Variants in KHDRBS2 observed in about 807,000 individuals in gnomAD.
The protein encoded by KHDRBS2 is KH RNA binding domain containing, signal transduction associated 2.
KHDRBS2 carries 26 observed loss-of-function variants against 44.3 expected under a neutral mutation model. The ratio of observed to expected loss-of-function variants is 0.59; its 90% CI spans 0.43 to 0.81. KHDRBS2 has a LOEUF of 0.81. KHDRBS2 is among the 40% of genes least tolerant of loss of function. The pLI is 0.00. For synonymous variants in KHDRBS2, 194 were observed against 151.1 expected (o/e 1.28, Z -2.08); for missense variants, 476 against 433.1 (o/e 1.10, Z -0.88).
At chr6:62,001,078 T>C (rs960060875) in intron 3 of KHDRBS2, among the ~76,000 whole-genome samples, 3 of 152,172 alleles carry the variant, frequency 2.0e-5, no homozygotes, top group African/African-American at 7.2e-5. Flanking sequence ...CCTGGCCTCA[T>C]TCAGACATTA....
At chr6:61,828,411 G>C (rs1040119992) in intron 6 of KHDRBS2, among the ~76,000 whole-genome samples, 2 of 152,204 alleles carry the variant, frequency 1.3e-5, no homozygotes, top group Non-Finnish European at 2.9e-5. Flanking sequence ...AATTAGCAAA[G>C]AGAGCTACAG....
chr6:61,809,892 A>T (rs1372032409), intron 6 of KHDRBS2, among the ~76,000 whole-genome samples: 1 of 152,184 alleles, frequency 6.6e-6, no homozygotes, highest in Non-Finnish European at 1.5e-5. Flanking sequence ...GTGAAGATTC[A>T]TAATGTAAAG....
intron 6 of KHDRBS2, among the ~76,000 whole-genome samples, chr6:61,742,529 A>G (rs1776286585): frequency 1.3e-5 from 2 of 151,918 alleles, no homozygotes; most frequent in South Asian, 4.1e-4. Context: ...GTATTGTTAC[A>G]TTCTCTCTCT....
the KHDRBS2 span, among the ~76,000 whole-genome samples, chr6:61,559,412 G>C: frequency 0.21 from 31,905 of 151,036 alleles, 3,606 homozygotes; most frequent in East Asian, 0.29. Context: ...AGTCTATTTA[G>C]AGTCAATGTT....
chr6:61,584,820 A>G, the KHDRBS2 span, among the ~76,000 whole-genome samples: 1 of 151,894 alleles, frequency 6.6e-6, no homozygotes, highest in East Asian at 1.9e-4. Flanking sequence ...TCACAATATA[A>G]CAACTTTAGA....
chr6:61,915,636 C>T (rs767481160), intron 4 of KHDRBS2, among the ~76,000 whole-genome samples: 1 of 151,966 alleles, frequency 6.6e-6, no homozygotes, highest in African/African-American at 2.4e-5. Flanking sequence ...TCATTTTATG[C>T]ACTTCTTTGC....
At chr6:62,149,298 A>G (rs1430896248) in intron 2 of KHDRBS2, among the ~76,000 whole-genome samples, 3 of 152,078 alleles carry the variant, frequency 2.0e-5, no homozygotes, top group Non-Finnish European at 2.9e-5. Context: ...TAATACAATG[A>G]ATAATCCTAT....
intron 6 of KHDRBS2, among the ~76,000 whole-genome samples, chr6:61,867,625 T>A (rs1797976623): frequency 6.6e-6 from 1 of 152,190 alleles, no homozygotes; most frequent in Non-Finnish European, 1.5e-5. Context: ...GATCTTTGGA[T>A]GGGGTTTTTT....
chr6:62,129,008 A>C (rs1235474491), intron 2 of KHDRBS2, among the ~76,000 whole-genome samples: 1 of 152,112 alleles, frequency 6.6e-6, no homozygotes, highest in Non-Finnish European at 1.5e-5. Context: ...ACTATCACTG[A>C]ATGATAAATA....
intron 2 of KHDRBS2, among the ~76,000 whole-genome samples, chr6:62,135,481 A>C (rs907333132): frequency 6.6e-6 from 1 of 152,196 alleles, no homozygotes; most frequent in Non-Finnish European, 1.5e-5. Flanking sequence ...ATTCCTAAAA[A>C]GTATTAAAAA....
intron 2 of KHDRBS2, among the ~76,000 whole-genome samples, chr6:62,161,317 T>C (rs1001940016): frequency 1.3e-5 from 2 of 151,660 alleles, no homozygotes; most frequent in African/African-American, 4.8e-5. Context: ...CAATTCCACA[T>C]CTATTAATTC....
At chr6:61,643,954 T>C in the KHDRBS2 span, among the ~76,000 whole-genome samples, 1 of 152,048 alleles carries the variant, frequency 6.6e-6, no homozygotes, top group Admixed American at 6.6e-5. Flanking sequence ...AGTAACATTA[T>C]TTTAAAATTT....
the KHDRBS2 span, among the ~76,000 whole-genome samples, chr6:61,658,164 A>C: frequency 6.6e-6 from 1 of 151,996 alleles, no homozygotes; most frequent in Non-Finnish European, 1.5e-5. Flanking sequence ...AGCTGTGATT[A>C]GATTTCCTTA....
At chr6:62,270,870 A>G (rs1268578572) in intron 1 of KHDRBS2, among the ~76,000 whole-genome samples, 1 of 152,118 alleles carries the variant, frequency 6.6e-6, no homozygotes, top group Non-Finnish European at 1.5e-5. Flanking sequence ...GAAAGGCTCA[A>G]AGAGATTTAG....
intron 8 of KHDRBS2, among the ~76,000 whole-genome samples, chr6:61,683,054 T>A (rs1254034481): frequency 1.3e-5 from 2 of 151,758 alleles, no homozygotes; most frequent in Admixed American, 6.6e-5. Flanking sequence ...TATTCCAGAG[T>A]GTTAGAAATC....
At chr6:62,090,631 A>G (rs1435565854) in intron 2 of KHDRBS2, among the ~76,000 whole-genome samples, 1 of 151,958 alleles carries the variant, frequency 6.6e-6, no homozygotes, top group East Asian at 1.9e-4. Flanking sequence ...ATGATGCTCT[A>G]AAGAGAACTG....
intron 6 of KHDRBS2, among the ~76,000 whole-genome samples, chr6:61,826,618 G>A (rs1320853697): frequency 6.6e-6 from 1 of 152,010 alleles, no homozygotes; most frequent in Non-Finnish European, 1.5e-5. Flanking sequence ...GTCGATGCTA[G>A]CAACCTGCCC....
chr6:61,664,285 A>G, the KHDRBS2 span, among the ~76,000 whole-genome samples: 1 of 151,806 alleles, frequency 6.6e-6, no homozygotes, highest in East Asian at 1.9e-4. Context: ...AATTTATGAG[A>G]AAAAATGACT....
chr6:62,080,728 C>T (rs1304538504), intron 2 of KHDRBS2, among the ~76,000 whole-genome samples: 9 of 152,074 alleles, frequency 5.9e-5, no homozygotes, highest in South Asian at 2.1e-4. Context: ...TCTGTGAAAC[C>T]TGACTTGCCA....
Sources: allele counts gnomAD v4.1 joint callset (sites outside exome capture counted in the v4.1 genomes callset), GRCh38; gene constraint gnomAD v4.1.1; transcripts MANE v1.5; gene names NCBI Gene and HGNC (gene_info 2026-07-23, HGNC 2026-07-21).